Variants in RORA observed in about 807,000 individuals in gnomAD.
The protein encoded by RORA is RAR related orphan receptor A.
RORA carries 7 observed loss-of-function variants against 69.5 expected under a neutral mutation model. The ratio of observed to expected loss-of-function variants is 0.10; its 90% CI spans 0.06 to 0.19. The LOEUF (loss-of-function observed/expected upper bound fraction) is 0.19, where lower values mean the gene tolerates loss of function less well. RORA is among the 10% of genes least tolerant of loss of function. The probability of loss-of-function intolerance (pLI) is 1.00; values close to 1 mark genes in which losing one functional copy is unlikely to be tolerated. For synonymous variants in RORA, 261 were observed against 240.8 expected (o/e 1.08, Z -0.78); for missense variants, 457 against 663.0 (o/e 0.69, Z 3.41).
intron 1 of RORA, among the ~76,000 whole-genome samples, chr15:60,898,835 G>A (rs1418559431): frequency 1.3e-5 from 2 of 152,206 alleles, no homozygotes; most frequent in Non-Finnish European, 2.9e-5. Flanking sequence ...TATTCAAAAT[G>A]ACTATGAAAA....
At chr15:61,109,510 C>T (rs2078983876) in intron 1 of RORA, among the ~76,000 whole-genome samples, 1 of 152,184 alleles carries the variant, frequency 6.6e-6, no homozygotes, top group African/African-American at 2.4e-5. Context: ...CCAGCACACC[C>T]TCATCCAGCC....
chr15:60,813,382 C>T (rs756936670), intron 1 of RORA, among the ~76,000 whole-genome samples: 28 of 152,198 alleles, frequency 1.8e-4, no homozygotes, highest in Non-Finnish European at 2.5e-4. Flanking sequence ...TTGTGCATGA[C>T]GGGCTGTGTT....
At chr15:60,631,916 G>A (rs1346614284) in intron 2 of RORA, among the ~76,000 whole-genome samples, 3 of 152,206 alleles carry the variant, frequency 2.0e-5, no homozygotes, top group Non-Finnish European at 4.4e-5. Flanking sequence ...TACAAGGTAA[G>A]CCAACCAGGG....
chr15:61,102,087 A>G (rs1322171267), intron 1 of RORA, among the ~76,000 whole-genome samples: 2 of 152,144 alleles, frequency 1.3e-5, no homozygotes, highest in Non-Finnish European at 2.9e-5. Context: ...CACAAGCTAC[A>G]CATACATTTC....
intron 1 of RORA, among the ~76,000 whole-genome samples, chr15:61,040,788 G>A (rs995276995): frequency 2.6e-5 from 4 of 152,124 alleles, no homozygotes; most frequent in African/African-American, 9.7e-5. Flanking sequence ...CTGAATGAAT[G>A]CAGATACTTC....
At chr15:60,560,688 AAG>A (rs1456080575) in intron 2 of RORA, among the ~76,000 whole-genome samples, 2 of 152,260 alleles carry the variant, frequency 1.3e-5, no homozygotes, top group African/African-American at 4.8e-5. Context: ...GTGACACAGC[AAG>A]ATGTGTCTCA....
At chr15:61,085,210 T>C (rs1384346757) in intron 1 of RORA, among the ~76,000 whole-genome samples, 1 of 152,188 alleles carries the variant, frequency 6.6e-6, no homozygotes, top group Non-Finnish European at 1.5e-5. Flanking sequence ...CCCCAGCATG[T>C]GGGGACATCA....
intron 1 of RORA, among the ~76,000 whole-genome samples, chr15:60,910,483 C>A (rs776036686): frequency 6.6e-6 from 1 of 152,206 alleles, no homozygotes; most frequent in Non-Finnish European, 1.5e-5. Context: ...AGCATTTTAA[C>A]TAGTGAAATA....
At chr15:60,822,435 C>T (rs540290777) in intron 1 of RORA, among the ~76,000 whole-genome samples, 123 of 152,338 alleles carry the variant, frequency 8.1e-4, no homozygotes, top group African/African-American at 2.8e-3. Flanking sequence ...GTCCAACCGT[C>T]CATGATTTAA....
At chr15:61,227,643 TC>T (rs2080159737) in intron 1 of RORA, among the ~76,000 whole-genome samples, 1 of 151,598 alleles carries the variant, frequency 6.6e-6, no homozygotes, top group African/African-American at 2.4e-5. Flanking sequence ...AACTACAACA[TC>T]GAGAGGAAGG....
At chr15:60,517,333 T>TTGACA (rs1164412117) in intron 3 of RORA, among the ~76,000 whole-genome samples, 1 of 152,140 alleles carries the variant, frequency 6.6e-6, no homozygotes, top group Non-Finnish European at 1.5e-5. Context: ...CTTGCTAACC[T>TTGACA]TGACATGGGC....
rs577298904 is a variant in RORA at position 61,077,911 on chromosome 15, G to A, written c.166+151142C>T. Among the ~76,000 whole-genome samples the A allele has an allele frequency of 2.6e-5, 4 of 152,222 alleles. No individual in the cohort carries two copies. In the East Asian group the frequency reaches 7.7e-4, roughly 29 times the overall value. ...ACTTCTTCTGTACCAGCAGAGAGTA[G>A]GGTGAAGGCCCACCACTTTTGTCTT... is the stretch of plus-strand genomic sequence containing the variant. On this transcript the variant is annotated intron_variant, in intron 1 of 10. Transcript: ENST00000335670.
chr15:60,987,818 A>G (rs1894252978), intron 1 of RORA, among the ~76,000 whole-genome samples: 1 of 152,200 alleles, frequency 6.6e-6, no homozygotes, highest in African/African-American at 2.4e-5. Flanking sequence ...ACAGACAGGA[A>G]AACTGAGGCT....
chr15:60,593,615 T>G (rs2068601158), intron 2 of RORA, among the ~76,000 whole-genome samples: 1 of 152,226 alleles, frequency 6.6e-6, no homozygotes, highest in African/African-American at 2.4e-5. Flanking sequence ...ACCCAGAGTC[T>G]GCATTGTTTA....
At chr15:60,587,982 A>G (rs956106401) in intron 2 of RORA, among the ~76,000 whole-genome samples, 2 of 152,208 alleles carry the variant, frequency 1.3e-5, no homozygotes, top group Non-Finnish European at 2.9e-5. Context: ...TGACGGATAG[A>G]AAAAGCTCTG....
Position 60,503,654 on chromosome 15 carries a change from A to G in RORA, c.956T>C (p.Met319Thr). 1 of 1,613,984 alleles carries G rather than the reference A, an allele frequency of 6.2e-7. No homozygotes were observed. The highest frequency in any genetic ancestry group is 8.5e-7 in the Non-Finnish European group (1 of 1,179,986). Residue 319 changes from methionine (M) to threonine (T), a missense_variant, in exon 7 of 11, where the codon ATG becomes ACG. Met to Thr is a moderately conservative substitution (Grantham distance 81). Transcript: ENST00000335670. The part of the protein sequence containing the change: ...ENYQNKQREV[M>T]WQLCAIKITE... ...AATTTTGATGGCACACAATTGCCAC[A>G]TCACCTCCCGCTGCTGTTAAAGAGG...
intron 1 of RORA, among the ~76,000 whole-genome samples, chr15:61,089,472 A>AATGGCTGAGACCTGC (rs765917702): frequency 6.6e-6 from 1 of 152,180 alleles, no homozygotes; most frequent in South Asian, 2.1e-4. Flanking sequence ...ATACACAGAA[A>AATGGCTGAGACCTGC]ATGGCTGAGA....
rs369791069 is a variant in RORA, at chr15:61,121,825, GAA to G, written c.166+107226_166+107227del. Among the ~76,000 whole-genome samples, 1,052 of 115,582 alleles carry G rather than the reference GAA, an allele frequency of 9.1e-3. 11 individuals are homozygous for G. Among genetic ancestry groups the G allele is most frequent in the African/African-American group, 0.028 (963 of 33,802 alleles). The allele number at this position is 115,582 out of a possible 152,430, so 75.8% of individuals were successfully genotyped here. A position where few individuals can be genotyped will look rare whatever the true frequency, so the allele number is the denominator to read the frequency against. Reference sequence around the variant, plus strand: ...GCCCTTAGCAATGTAACTGCCAAAAGAAAAAAAAAAAATGACTTCCTATAAAA... The same window carrying G: ...GCCCTTAGCAATGTAACTGCCAAAAGAAAAAAAAAATGACTTCCTATAAAA... On this transcript the variant is annotated intron_variant, in intron 1 of 10. Coordinates refer to ENST00000335670, the MANE Select transcript of RORA (RefSeq NM_134261.3).
intron 1 of RORA, among the ~76,000 whole-genome samples, chr15:60,882,336 C>A (rs2073690374): frequency 6.6e-6 from 1 of 152,080 alleles, no homozygotes; most frequent in Non-Finnish European, 1.5e-5. Context: ...CTCTAATGGG[C>A]AGAGGTCAGG....
Sources: allele counts gnomAD v4.1 joint callset (sites outside exome capture counted in the v4.1 genomes callset), GRCh38; gene constraint gnomAD v4.1.1; transcripts MANE v1.5; gene names NCBI Gene and HGNC (gene_info 2026-07-23, HGNC 2026-07-21).